Variants in FIGN observed in about 807,000 individuals in gnomAD.
FIGN encodes fidgetin.
Under a neutral mutation model 51.3 loss-of-function variants are expected in FIGN, and 11 were observed. The observed-to-expected ratio is 0.21, with a 90% CI of 0.13 to 0.35. FIGN has a LOEUF of 0.35. Among genes scored for constraint, FIGN ranks in the 10% least tolerant of loss-of-function variants. FIGN has a pLI of 1.00. For synonymous variants in FIGN, 407 were observed against 363.2 expected (o/e 1.12, Z -1.37); for missense variants, 857 against 943.6 (o/e 0.91, Z 1.20).
chr2:163,617,036 G>A (rs1682889998), intron 2 of FIGN: 1 of 868,624 alleles, frequency 1.2e-6, no homozygotes, highest in African/African-American at 1.8e-5. Context: ...AATGTTTGAG[G>A]AGACTAATGC....
chr2:163,680,856 A>C lies in FIGN; in HGVS notation c.25+54047T>G, dbSNP rs534984836. On this transcript the variant is annotated intron_variant, in intron 2 of 2. Coordinates refer to ENST00000333129, the MANE Select transcript of FIGN (RefSeq NM_018086.4). ...TTAGATTCTGAGCTCCCTAACAGAA[A>C]GAAAAAAAAAATGCCTTATTAGTTC... 7.9e-5 allele frequency among the ~76,000 whole-genome samples: 12 copies of C among 152,208 alleles called. No homozygotes were observed. The South Asian group carries it at 1.2e-3, about 16-fold the overall frequency.
At chr2:163,701,310 A>G (rs1407968738) in intron 2 of FIGN, among the ~76,000 whole-genome samples, 1 of 152,170 alleles carries the variant, frequency 6.6e-6, no homozygotes, top group Non-Finnish European at 1.5e-5. Flanking sequence ...TATTTCATAA[A>G]TTGCAAGCAG....
chr2:163,728,852 C>G (rs1195732829), intron 2 of FIGN, among the ~76,000 whole-genome samples: 1 of 152,086 alleles, frequency 6.6e-6, no homozygotes, highest in Admixed American at 6.6e-5. Flanking sequence ...GAACAAGATG[C>G]CTCACATTTT....
At chr2:163,698,363 T>C (rs540282023) in intron 2 of FIGN, among the ~76,000 whole-genome samples, 1 of 152,194 alleles carries the variant, frequency 6.6e-6, no homozygotes, top group South Asian at 2.1e-4. Flanking sequence ...CTGTGGTCAT[T>C]ACCTGCCCCT....
intron 2 of FIGN, chr2:163,617,139 G>C: frequency 1.0e-6 from 1 of 985,072 alleles, no homozygotes; most frequent in Non-Finnish European, 1.2e-6. Context: ...AATTTCTTCA[G>C]CCCATTCCCC....
At position 163,607,329 on chromosome 2, in the gene FIGN, T is replaced by G. The variant is rs1691130907; in HGVS notation, c.*2223A>C. On this transcript the variant is annotated 3_prime_UTR_variant, in exon 3 of 3. Coordinates refer to ENST00000333129, the MANE Select transcript of FIGN (RefSeq NM_018086.4). ...AGCAGAGGGCGTATTTAAGTATTAT[T>G]TTTTGTATCCTTAATGAAAGGCACT... The G allele has an allele frequency of 6.6e-6, 1 of 152,210 alleles. No homozygotes were observed. Among genetic ancestry groups the G allele is most frequent in the Non-Finnish European group, 1.5e-5 (1 of 68,042 alleles). The allele number at this position is 152,210 out of a possible 1,614,324, so 9.4% of individuals were successfully genotyped here.
chr2:163,646,710 A>G (rs1329642854), intron 2 of FIGN, among the ~76,000 whole-genome samples: 1 of 152,202 alleles, frequency 6.6e-6, no homozygotes, highest in Non-Finnish European at 1.5e-5. Context: ...ATTCTATTGA[A>G]ACAGGATAAA....
chr2:163,676,832 C>G (rs1168509003), intron 2 of FIGN, among the ~76,000 whole-genome samples: 1 of 151,952 alleles, frequency 6.6e-6, no homozygotes, highest in African/African-American at 2.4e-5. Flanking sequence ...TGTACCTCAT[C>G]ACAATTTAGA....
At chr2:163,650,366 A>T (rs1231579944) in intron 2 of FIGN, among the ~76,000 whole-genome samples, 1 of 151,780 alleles carries the variant, frequency 6.6e-6, no homozygotes, top group African/African-American at 2.4e-5. Flanking sequence ...AAATATATAT[A>T]GGCATATTTA....
rs1186863139 is a variant in FIGN, at chr2:163,614,348, C to A, written c.26-2542G>T. On this transcript the variant is annotated intron_variant, in intron 2 of 2. Transcript: ENST00000333129. Reference sequence around the variant, plus strand: ...ATTATTAAGAGCAAATCACCAGGAACCAATCGCAAGTAATCAGTATCTAAA... The same window carrying A: ...ATTATTAAGAGCAAATCACCAGGAAACAATCGCAAGTAATCAGTATCTAAA... 4.6e-5 allele frequency among the ~76,000 whole-genome samples: 7 copies of A among 152,070 alleles called. No homozygotes were observed. The South Asian group carries it at 1.2e-3, about 27-fold the overall frequency.
chr2:163,646,643 A>T (rs1683387229), intron 2 of FIGN, among the ~76,000 whole-genome samples: 1 of 152,230 alleles, frequency 6.6e-6, no homozygotes, highest in African/African-American at 2.4e-5. Flanking sequence ...TGGCATATAA[A>T]TGTGCCTCTG....
At chr2:163,728,397 AACACACACACACAC>A (rs60526284) in intron 2 of FIGN, among the ~76,000 whole-genome samples, 9 of 141,932 alleles carry the variant, frequency 6.3e-5, no homozygotes, top group South Asian at 2.4e-4. Context: ...CAAACCATTA[AACACACACACACAC>A]ACACACACAC....
chr2:163,672,898 A>G (rs1683900253), intron 2 of FIGN, among the ~76,000 whole-genome samples: 1 of 152,100 alleles, frequency 6.6e-6, no homozygotes, highest in East Asian at 1.9e-4. Flanking sequence ...ATTTTACCTT[A>G]ATTTCTTTAA....
chr2:163,705,576 T>A (rs1468172572), intron 2 of FIGN, among the ~76,000 whole-genome samples: 2 of 151,900 alleles, frequency 1.3e-5, no homozygotes, highest in East Asian at 1.9e-4. Flanking sequence ...CATGTGAGAC[T>A]TCCAAAAAAC....
At chr2:163,704,558 C>A (rs1039405679) in intron 2 of FIGN, among the ~76,000 whole-genome samples, 1 of 151,420 alleles carries the variant, frequency 6.6e-6, no homozygotes, top group Non-Finnish European at 1.5e-5. Context: ...GGACAAAATA[C>A]TTAGTATCTT....
chr2:163,646,005 T>C (rs1483910436), intron 2 of FIGN, among the ~76,000 whole-genome samples: 1 of 152,202 alleles, frequency 6.6e-6, no homozygotes, highest in Non-Finnish European at 1.5e-5. Context: ...CAAATTCCAC[T>C]GCAAATTTAG....
At chr2:163,638,982 C>T (rs938101092) in intron 2 of FIGN, among the ~76,000 whole-genome samples, 2 of 152,010 alleles carry the variant, frequency 1.3e-5, no homozygotes, top group African/African-American at 2.4e-5. Flanking sequence ...GTAAGCAAAA[C>T]TGATATTTTA....
At chr2:163,681,898 A>G (rs909499788) in intron 2 of FIGN, among the ~76,000 whole-genome samples, 2 of 152,208 alleles carry the variant, frequency 1.3e-5, no homozygotes, top group South Asian at 4.1e-4. Context: ...TCAAAAGACA[A>G]TTCTCACTAG....
At chr2:163,621,856 C>G (rs908103466) in intron 2 of FIGN, among the ~76,000 whole-genome samples, 1 of 152,102 alleles carries the variant, frequency 6.6e-6, no homozygotes, top group East Asian at 1.9e-4. Flanking sequence ...CATTTCCTTT[C>G]CTGGAGAGGG....
Sources: gnomAD v4.1 joint callset for allele counts (sites outside exome capture counted in the v4.1 genomes callset) on GRCh38, gnomAD v4.1.1 for gene constraint, MANE v1.5 for transcripts, NCBI Gene and HGNC (gene_info 2026-07-23, HGNC 2026-07-21) for gene names.